Variants in MAP4K3 observed in about 807,000 individuals in gnomAD.
The protein encoded by MAP4K3 is MAPK/ERK kinase kinase kinase 3.
MAP4K3 carries 94 observed loss-of-function variants against 143.5 expected under a neutral mutation model. The observed-to-expected ratio is 0.65, with a 90% CI of 0.55 to 0.78. The LOEUF (loss-of-function observed/expected upper bound fraction) is 0.78. MAP4K3 is among the 30% of genes least tolerant of loss of function. The pLI, the probability that MAP4K3 is intolerant of heterozygous loss-of-function variation, is 0.00. For missense variants in MAP4K3, 1,077 were observed against 1,068.1 expected (o/e 1.01, Z -0.12); for synonymous variants, 416 against 347.2 (o/e 1.20, Z -2.20).
chr2:39,398,878 A>G (rs937407933), intron 1 of MAP4K3, among the ~76,000 whole-genome samples: 1 of 151,442 alleles, frequency 6.6e-6, no homozygotes, highest in Non-Finnish European at 1.5e-5. Context: ...CCCTGTCACT[A>G]CCAAAAAATA....
At chr2:39,406,192 A>G (rs939119372) in intron 1 of MAP4K3, among the ~76,000 whole-genome samples, 1 of 151,652 alleles carries the variant, frequency 6.6e-6, no homozygotes, top group African/African-American at 2.4e-5. Flanking sequence ...AAAACAGAGG[A>G]GACAAAAAAA....
intron 1 of MAP4K3, among the ~76,000 whole-genome samples, chr2:39,422,267 ACTC>A (rs1317552698): frequency 1.3e-5 from 2 of 151,410 alleles, no homozygotes; most frequent in Admixed American, 1.3e-4. Context: ...TTTACCAACT[ACTC>A]TTTCTGAACA....
intron 3 of MAP4K3, among the ~76,000 whole-genome samples, chr2:39,348,310 C>T (rs1024416470): frequency 6.6e-6 from 1 of 151,904 alleles, no homozygotes; most frequent in African/African-American, 2.4e-5. Flanking sequence ...TTCTATTCAT[C>T]CTATGTAAAA....
intron 1 of MAP4K3, among the ~76,000 whole-genome samples, chr2:39,394,202 C>G (rs1666743136): frequency 6.6e-6 from 1 of 152,132 alleles, no homozygotes; most frequent in African/African-American, 2.4e-5. Context: ...TCTCCTGTTC[C>G]CAATACCCTT....
At chr2:39,402,347 C>A (rs761645212) in intron 1 of MAP4K3, among the ~76,000 whole-genome samples, 11 of 152,030 alleles carry the variant, frequency 7.2e-5, no homozygotes, top group Non-Finnish European at 1.6e-4. Context: ...TGATTAATTG[C>A]CAAATTTTTT....
At chr2:39,373,865 A>C (rs997551998) in intron 2 of MAP4K3, among the ~76,000 whole-genome samples, 1 of 152,184 alleles carries the variant, frequency 6.6e-6, no homozygotes, top group African/African-American at 2.4e-5. Flanking sequence ...AGAAAGAATG[A>C]ATAAGCCCTA....
At chr2:39,378,900 A>G (rs1666290372) in intron 1 of MAP4K3, among the ~76,000 whole-genome samples, 1 of 151,638 alleles carries the variant, frequency 6.6e-6, no homozygotes, top group African/African-American at 2.4e-5. Flanking sequence ...TATATTATAT[A>G]TAATACACAT....
At chr2:39,267,070 G>T in intron 27 of MAP4K3, 119 bp downstream of exon 27, 1 of 890,276 alleles carries the variant, frequency 1.1e-6, no homozygotes. Context: ...CAAGAAATTT[G>T]TTCTACTTAA....
Position 39,250,690 on chromosome 2 carries a change from T to C in MAP4K3, c.2613A>G (p.Glu871=). 1 of 1,613,716 alleles carries C rather than the reference T, an allele frequency of 6.2e-7. No individual in the cohort carries two copies. The highest frequency in any genetic ancestry group is 8.5e-7 in the Non-Finnish European group (1 of 1,179,704). Residue 871 remains glutamate, a synonymous_variant, in exon 34 of 34, where the codon GAA becomes GAG. Coordinates refer to ENST00000263881, the MANE Select transcript of MAP4K3 (RefSeq NM_003618.4). ...LLGSDRVVVL[E]SRPTDNPTAN... is the part of the protein sequence containing the mutation. ...CTGTGGGGTTATCAGTTGGCCTACT[T>C]TCCAAAACCACGACCCTGAAAGTAA...
intron 3 of MAP4K3, among the ~76,000 whole-genome samples, chr2:39,344,038 C>A (rs184953911): frequency 2.4e-4 from 37 of 152,246 alleles, no homozygotes; most frequent in Admixed American, 1.4e-3. Flanking sequence ...ATTATTTAAT[C>A]TCTTAAAAAT....
intron 1 of MAP4K3, among the ~76,000 whole-genome samples, chr2:39,415,621 T>C (rs1259270225): frequency 6.6e-6 from 1 of 152,090 alleles, no homozygotes; most frequent in Non-Finnish European, 1.5e-5. Flanking sequence ...CAGGCATTAA[T>C]AGTCACTTTT....
At chr2:39,387,021 C>T (rs1472458524) in intron 1 of MAP4K3, among the ~76,000 whole-genome samples, 1 of 152,054 alleles carries the variant, frequency 6.6e-6, no homozygotes, top group Non-Finnish European at 1.5e-5. Flanking sequence ...GCCATGTTGG[C>T]CAGGCTCATC....
intron 2 of MAP4K3, among the ~76,000 whole-genome samples, chr2:39,374,919 A>G (rs1369841475): frequency 6.6e-6 from 1 of 152,124 alleles, no homozygotes; most frequent in East Asian, 1.9e-4. Context: ...GCACTAGACT[A>G]TTTCAGACTT....
chr2:39,274,814 C>T (rs1180050732), intron 24 of MAP4K3, among the ~76,000 whole-genome samples: 1 of 152,152 alleles, frequency 6.6e-6, no homozygotes, highest in Non-Finnish European at 1.5e-5. Flanking sequence ...TTGTAAAGCA[C>T]TTAGAAGAGT....
intron 12 of MAP4K3, among the ~76,000 whole-genome samples, chr2:39,317,903 T>C (rs1046138378): frequency 1.2e-4 from 18 of 152,256 alleles, no homozygotes; most frequent in African/African-American, 4.3e-4. Flanking sequence ...TTACTGAGTA[T>C]ATACCCAAAG....
chr2:39,304,482 T>A lies in MAP4K3; in HGVS notation c.1119+3461A>T, dbSNP rs373370969. Reference sequence around the variant, plus strand: ...GCCAAGATTTTAGAATTGATAAAATTAGAACACAGAAATAACTATGGCTAC... The same window carrying A: ...GCCAAGATTTTAGAATTGATAAAATAAGAACACAGAAATAACTATGGCTAC... On this transcript the variant is annotated intron_variant, in intron 15 of 33. Transcript: ENST00000263881. 7.4e-4 allele frequency among the ~76,000 whole-genome samples: 112 copies of A among 152,254 alleles called. 2 individuals carry two copies. In the South Asian group the frequency reaches 0.023, roughly 31 times the overall value.
intron 1 of MAP4K3, among the ~76,000 whole-genome samples, chr2:39,426,017 C>T (rs1441510345): frequency 6.6e-6 from 1 of 152,072 alleles, no homozygotes; most frequent in Non-Finnish European, 1.5e-5. Context: ...AGTATCTCCC[C>T]ATAATTTACT....
At chr2:39,363,782 G>A (rs1665838157) in intron 2 of MAP4K3, among the ~76,000 whole-genome samples, 1 of 150,544 alleles carries the variant, frequency 6.6e-6, no homozygotes, top group Non-Finnish European at 1.5e-5. Context: ...GTTGTAAACT[G>A]TAAACAAACA....
chr2:39,317,210 T>C (rs1018908971), intron 12 of MAP4K3, among the ~76,000 whole-genome samples: 1 of 152,154 alleles, frequency 6.6e-6, no homozygotes. Flanking sequence ...GTTAGCCATA[T>C]ACAGAAGATT....
Sources: allele counts gnomAD v4.1 joint callset (sites outside exome capture counted in the v4.1 genomes callset), GRCh38; gene constraint gnomAD v4.1.1; transcripts MANE v1.5; gene names NCBI Gene and HGNC (gene_info 2026-07-23, HGNC 2026-07-21).